Variants in SPOCK1 observed in about 807,000 individuals in gnomAD.
SPOCK1 encodes SPARC (osteonectin), cwcv and kazal like domains proteoglycan 1.
Under a neutral mutation model 55.3 loss-of-function variants are expected in SPOCK1, and 23 were observed. The ratio of observed to expected loss-of-function variants is 0.42; its 90% CI spans 0.30 to 0.59. The LOEUF is 0.59. Ranked by LOEUF, SPOCK1 falls within the 20% of genes least tolerant of loss-of-function variation. SPOCK1 has a pLI of 0.22. For missense variants in SPOCK1, 499 were observed against 552.5 expected, an observed-to-expected ratio of 0.90 and a Z score of 0.97; for synonymous variants, 226 against 221.0, an observed-to-expected ratio of 1.02 and a Z score of -0.20.
chr5:137,024,672 T>C (rs1321511402), intron 6 of SPOCK1, among the ~76,000 whole-genome samples: 3 of 151,214 alleles, frequency 2.0e-5, no homozygotes, highest in South Asian at 2.1e-4. Context: ...AAATTGAATA[T>C]CCACTGATCT....
intron 2 of SPOCK1, among the ~76,000 whole-genome samples, chr5:137,452,584 G>C (rs1231404094): frequency 6.6e-6 from 1 of 152,206 alleles, no homozygotes; most frequent in Non-Finnish European, 1.5e-5. Context: ...AATTGAGATT[G>C]TAATGTGCAT....
chr5:137,024,719 CTGGAGGCA>C (rs895894153), intron 6 of SPOCK1, among the ~76,000 whole-genome samples: 4 of 151,968 alleles, frequency 2.6e-5, no homozygotes, highest in Admixed American at 2.0e-4. Flanking sequence ...GTAGTTAAGA[CTGGAGGCA>C]TCCACTATAT....
chr5:137,154,206 G>C (rs1754370374), intron 3 of SPOCK1, among the ~76,000 whole-genome samples: 1 of 152,134 alleles, frequency 6.6e-6, no homozygotes, highest in South Asian at 2.1e-4. Flanking sequence ...AGAATCACTT[G>C]AACCCAGGAG....
At chr5:137,112,951 C>T (rs2127032965) in intron 4 of SPOCK1, among the ~76,000 whole-genome samples, 1 of 152,298 alleles carries the variant, frequency 6.6e-6, no homozygotes, top group East Asian at 1.9e-4. Context: ...TGAGACTCTC[C>T]TGGGACTCAC....
intron 3 of SPOCK1, among the ~76,000 whole-genome samples, chr5:137,225,016 A>C (rs1328234050): frequency 6.6e-6 from 1 of 152,126 alleles, no homozygotes; most frequent in African/African-American, 2.4e-5. Context: ...AGAGAAGATT[A>C]AGTACCGTTC....
At chr5:137,254,776 G>A (rs575589217) in intron 3 of SPOCK1, among the ~76,000 whole-genome samples, 1 of 152,318 alleles carries the variant, frequency 6.6e-6, no homozygotes, top group East Asian at 1.9e-4. Context: ...AGGTAACTAT[G>A]CAGTCAGGCA....
intron 3 of SPOCK1, among the ~76,000 whole-genome samples, chr5:137,247,556 G>A (rs1307463309): frequency 2.6e-5 from 4 of 152,088 alleles, no homozygotes; most frequent in African/African-American, 7.2e-5. Context: ...CTATACAACC[G>A]ATTATCACCA....
intron 2 of SPOCK1, among the ~76,000 whole-genome samples, chr5:137,355,352 C>T (rs1047390967): frequency 1.3e-5 from 2 of 152,118 alleles, no homozygotes; most frequent in African/African-American, 4.8e-5. Flanking sequence ...GCCACTACAC[C>T]CAGCTAATTT....
chr5:137,243,540 G>A (rs1191701651), intron 3 of SPOCK1, among the ~76,000 whole-genome samples: 1 of 152,094 alleles, frequency 6.6e-6, no homozygotes, highest in African/African-American at 2.4e-5. Flanking sequence ...TAAGATAATG[G>A]AAGACTTATT....
chr5:137,331,640 G>A (rs562730901), intron 2 of SPOCK1, among the ~76,000 whole-genome samples: 1 of 152,214 alleles, frequency 6.6e-6, no homozygotes, highest in East Asian at 1.9e-4. Context: ...TGGTGAGAGG[G>A]GAAGCAAGAC....
rs183392298 is a variant in SPOCK1, at chr5:137,029,166, G to T, written c.590-36566C>A. On this transcript the variant is annotated intron_variant, in intron 6 of 10. Transcript: ENST00000394945. ...TCTCCATCTATTTAACAACTGTCCA[G>T]ACTTGATAAGCTATCTTGGTTTTGG... 7.1e-4 allele frequency among the ~76,000 whole-genome samples: 108 copies of T among 152,314 alleles called. 1 individual carries two copies. The highest frequency in any genetic ancestry group is 3.9e-4 in the East Asian group (2 of 5,180).
intron 3 of SPOCK1, among the ~76,000 whole-genome samples, chr5:137,216,334 T>C (rs1421756144): frequency 3.3e-5 from 5 of 152,162 alleles, no homozygotes; most frequent in African/African-American, 1.2e-4. Context: ...ATCCAGACAT[T>C]TATAAAATAC....
At chr5:137,490,571 A>T (rs943500986) in intron 2 of SPOCK1, among the ~76,000 whole-genome samples, 1 of 152,302 alleles carries the variant, frequency 6.6e-6, no homozygotes, top group Admixed American at 6.5e-5. Flanking sequence ...GCAGGACAAG[A>T]TGAAGTTTCT....
chr5:137,225,679 C>G (rs1464083697), intron 3 of SPOCK1, among the ~76,000 whole-genome samples: 2 of 152,188 alleles, frequency 1.3e-5, no homozygotes, highest in East Asian at 1.9e-4. Flanking sequence ...ACCTGGAAGG[C>G]TTGGGAAAAC....
chr5:137,055,370 A>G (rs921001382), intron 6 of SPOCK1, among the ~76,000 whole-genome samples: 2 of 152,192 alleles, frequency 1.3e-5, no homozygotes, highest in African/African-American at 4.8e-5. Context: ...TTAGGGCAAA[A>G]AAAACCCTCT....
chr5:136,979,009 C>T (rs185985563), intron 10 of SPOCK1, among the ~76,000 whole-genome samples, 165 bp from the exon 11 acceptor site: 1 of 152,314 alleles, frequency 6.6e-6, no homozygotes, highest in African/African-American at 2.4e-5. Context: ...ACATTACAAA[C>T]TTTGTTCTCG....
intron 3 of SPOCK1, among the ~76,000 whole-genome samples, chr5:137,253,197 A>G (rs78877109): frequency 1.3e-5 from 2 of 152,234 alleles, no homozygotes; most frequent in East Asian, 1.9e-4. Context: ...TACCAAAGAC[A>G]ATAGAATTCA....
chr5:137,294,843 C>T (rs1278409905), intron 2 of SPOCK1, among the ~76,000 whole-genome samples: 1 of 152,186 alleles, frequency 6.6e-6, no homozygotes, highest in East Asian at 1.9e-4. Flanking sequence ...AATATTTTTC[C>T]TTCAGATATC....
intron 3 of SPOCK1, among the ~76,000 whole-genome samples, chr5:137,231,799 G>A (rs1756070257): frequency 1.3e-5 from 2 of 152,222 alleles, no homozygotes; most frequent in Non-Finnish European, 2.9e-5. Flanking sequence ...ATTCCACAGT[G>A]ACTATGTCAC....
Sources: allele counts gnomAD v4.1 joint callset (sites outside exome capture counted in the v4.1 genomes callset), GRCh38; gene constraint gnomAD v4.1.1; transcripts MANE v1.5; gene names NCBI Gene and HGNC (gene_info 2026-07-23, HGNC 2026-07-21).